The following GPC5 variants were observed in gnomAD, a reference collection of about 807,000 sequenced individuals.
GPC5 encodes the protein glypican-5.
A neutral mutation model predicts 53.9 loss-of-function variants in GPC5; 47 were observed. That is an observed-to-expected ratio of 0.87 (90% confidence interval 0.69 to 1.11). The LOEUF is 1.11. GPC5 is among the 50% of genes most tolerant of loss of function. GPC5 has a pLI of 0.00. For synonymous variants in GPC5, 286 were observed against 263.3 expected (o/e 1.09, Z -0.84); for missense variants, 748 against 713.1 (o/e 1.05, Z -0.56).
intron 7 of GPC5, among the ~76,000 whole-genome samples, chr13:92,319,410 T>TA (rs67635557): frequency 0.036 from 3,928 of 108,704 alleles, 78 homozygotes; most frequent in Admixed American, 0.068. Flanking sequence ...TCTCTGAAAC[T>TA]AAAAAAAAAA....
chr13:92,368,088 G>A (rs1020681545), intron 7 of GPC5, among the ~76,000 whole-genome samples: 3 of 152,020 alleles, frequency 2.0e-5, no homozygotes, highest in African/African-American at 7.2e-5. Context: ...GGATTGAAGC[G>A]ATTCTTCTGC....
chr13:92,202,428 G>A (rs2042301935), intron 7 of GPC5, among the ~76,000 whole-genome samples: 1 of 152,208 alleles, frequency 6.6e-6, no homozygotes, highest in Admixed American at 6.5e-5. Context: ...AATCAAGTGA[G>A]TGAGAAGCAA....
intron 2 of GPC5, among the ~76,000 whole-genome samples, chr13:91,527,677 A>G (rs1317308051): frequency 6.6e-6 from 1 of 152,238 alleles, no homozygotes; most frequent in Non-Finnish European, 1.5e-5. Flanking sequence ...CTGCCCTAAT[A>G]GAGATTCTTC....
At chr13:91,561,817 A>T (rs1051028631) in intron 2 of GPC5, among the ~76,000 whole-genome samples, 4 of 152,138 alleles carry the variant, frequency 2.6e-5, no homozygotes, top group Admixed American at 2.6e-4. Context: ...GGTTTTCCAG[A>T]TGTAATATTT....
chr13:92,501,286 A>T (rs1225486130), intron 7 of GPC5, among the ~76,000 whole-genome samples: 1 of 152,190 alleles, frequency 6.6e-6, no homozygotes, highest in Non-Finnish European at 1.5e-5. Context: ...TAGAAGATAC[A>T]AATGGAAAAT....
At chr13:91,497,509 A>G (rs1363909665) in intron 2 of GPC5, among the ~76,000 whole-genome samples, 3 of 152,184 alleles carry the variant, frequency 2.0e-5, no homozygotes, top group Non-Finnish European at 2.9e-5. Context: ...CTCCCAAGTC[A>G]CTTATTGATT....
chr13:91,623,218 T>A (rs904965791), intron 2 of GPC5, among the ~76,000 whole-genome samples: 4 of 152,134 alleles, frequency 2.6e-5, no homozygotes, highest in Non-Finnish European at 5.9e-5. Context: ...GAAAACTTAA[T>A]AATCTAGAGC....
chr13:92,639,208 A>T (rs1384823676), intron 7 of GPC5, among the ~76,000 whole-genome samples: 2 of 152,214 alleles, frequency 1.3e-5, no homozygotes. Flanking sequence ...TAATCTTGTA[A>T]CATACCCACT....
intron 6 of GPC5, among the ~76,000 whole-genome samples, chr13:92,026,876 A>G (rs1163250376): frequency 6.6e-6 from 1 of 152,162 alleles, no homozygotes; most frequent in East Asian, 1.9e-4. Flanking sequence ...GAGTCTAAAA[A>G]TTTCAGATGG....
At chr13:92,545,537 C>A (rs1257163754) in intron 7 of GPC5, among the ~76,000 whole-genome samples, 1 of 152,178 alleles carries the variant, frequency 6.6e-6, no homozygotes. Context: ...GTCCCACCAA[C>A]AGTGTAAAAG....
At chr13:92,164,820 C>T (rs1288999731) in intron 7 of GPC5, among the ~76,000 whole-genome samples, 6 of 152,210 alleles carry the variant, frequency 3.9e-5, no homozygotes, top group Non-Finnish European at 8.8e-5. Flanking sequence ...CCTGGACATC[C>T]AGGCATTTCT....
intron 5 of GPC5, among the ~76,000 whole-genome samples, chr13:91,806,414 A>T (rs1188526923): frequency 6.8e-6 from 1 of 146,842 alleles, no homozygotes; most frequent in Non-Finnish European, 1.5e-5. Context: ...ATTAAACTTT[A>T]CTTGGTTTAA....
rs1317042095 is a variant in GPC5, at chr13:92,724,908, ACAC to A, written c.1562-141373_1562-141371del. ...CACACACACACACACACACACACAC[ACAC>A]AAGAAAGAAAAAACAAGAGAGTAGC... is the stretch of plus-strand genomic sequence containing the variant. On this transcript the variant is annotated intron_variant, in intron 7 of 7. Coordinates refer to ENST00000377067, the MANE Select transcript of GPC5 (RefSeq NM_004466.6). 2.8e-3 allele frequency among the ~76,000 whole-genome samples: 426 copies of A among 150,248 alleles called. 2 individuals are homozygous for A. The highest frequency in any genetic ancestry group is 9.6e-3 in the African/African-American group (393 of 41,008).
intron 2 of GPC5, among the ~76,000 whole-genome samples, chr13:91,650,902 A>G (rs1378054267): frequency 1.3e-5 from 2 of 152,006 alleles, no homozygotes; most frequent in African/African-American, 4.8e-5. Flanking sequence ...CTATCCAGCA[A>G]TTTTAAGCAA....
At chr13:91,458,148 C>T (rs1356527180) in intron 2 of GPC5, among the ~76,000 whole-genome samples, 1 of 151,922 alleles carries the variant, frequency 6.6e-6, no homozygotes, top group African/African-American at 2.4e-5. Flanking sequence ...CATGTGGATA[C>T]CTGGGAGAAA....
At chr13:91,518,022 T>C (rs1885596344) in intron 2 of GPC5, among the ~76,000 whole-genome samples, 1 of 151,072 alleles carries the variant, frequency 6.6e-6, no homozygotes, top group Non-Finnish European at 1.5e-5. Context: ...AGCCAAACTA[T>C]ATCACCATCT....
intron 2 of GPC5, among the ~76,000 whole-genome samples, chr13:91,463,028 C>A (rs1353276190): frequency 6.6e-6 from 1 of 152,016 alleles, no homozygotes; most frequent in Non-Finnish European, 1.5e-5. Context: ...TATGTATTTT[C>A]TACTGGTTAT....
At chr13:92,215,719 G>A (rs2042404771) in intron 7 of GPC5, among the ~76,000 whole-genome samples, 1 of 152,002 alleles carries the variant, frequency 6.6e-6, no homozygotes, top group Non-Finnish European at 1.5e-5. Context: ...CTTGTCCTGG[G>A]GCTCTAATGT....
intron 7 of GPC5, among the ~76,000 whole-genome samples, chr13:92,696,326 AT>A (rs1887555580): frequency 6.6e-6 from 1 of 152,136 alleles, no homozygotes; most frequent in African/African-American, 2.4e-5. Flanking sequence ...GTGTAAAAGC[AT>A]TCTTATTTCT....
Sources: allele counts gnomAD v4.1 joint callset (sites outside exome capture counted in the v4.1 genomes callset), GRCh38; gene constraint gnomAD v4.1.1; transcripts MANE v1.5; gene names NCBI Gene and HGNC (gene_info 2026-07-23, HGNC 2026-07-21).